Variants in KIF16B observed in about 807,000 individuals in gnomAD.
KIF16B encodes kinesin family member 16B.
In KIF16B, 98 loss-of-function variants were observed where a neutral mutation model predicts 156.3. That is an observed-to-expected ratio of 0.63 (90% CI 0.53 to 0.74). KIF16B has a LOEUF of 0.74. KIF16B is among the 30% of genes least tolerant of loss of function. KIF16B has a pLI of 0.00. For synonymous variants in KIF16B, 564 were observed against 583.7 expected, an observed-to-expected ratio of 0.97 and a Z score of 0.49; for missense variants, 1,421 against 1,606.5, an observed-to-expected ratio of 0.88 and a Z score of 1.97.
intron 12 of KIF16B, among the ~76,000 whole-genome samples, chr20:16,459,740 C>T (rs2067297166): frequency 6.6e-6 from 1 of 152,214 alleles, no homozygotes. Flanking sequence ...TGGATTTTTG[C>T]TAATCTCCTG....
intron 24 of KIF16B, among the ~76,000 whole-genome samples, chr20:16,330,928 G>A (rs577663011): frequency 2.1e-4 from 32 of 152,344 alleles, no homozygotes; most frequent in Admixed American, 9.1e-4. Context: ...AACTCTGTAC[G>A]TTAGCTATCA....
intron 23 of KIF16B, among the ~76,000 whole-genome samples, chr20:16,337,046 C>T (rs528728679): frequency 2.5e-4 from 38 of 152,242 alleles, no homozygotes; most frequent in African/African-American, 8.2e-4. Flanking sequence ...CTCCTTAAGG[C>T]GAGCTTCATG....
rs1297988669 is a variant in KIF16B, at chr20:16,428,839, T to G, written c.1474+114A>C. The G allele has an allele frequency of 3.4e-6, 3 of 878,852 alleles. No homozygotes were observed. In the African/African-American group the frequency reaches 5.1e-5, roughly 15 times the overall value. The allele number at this position is 878,852 out of a possible 1,614,324, so 54.4% of individuals were successfully genotyped here. Reference sequence around the variant, plus strand: ...CGTACATACTGACCAACACTGTACTTGAAAAATAATTTAATTTTCTATAAT... The same window carrying G: ...CGTACATACTGACCAACACTGTACTGGAAAAATAATTTAATTTTCTATAAT... On this transcript the variant is annotated intron_variant, in intron 14 of 25. Transcript: ENST00000354981.
Position 16,370,648 on chromosome 20 carries a change from A to T in KIF16B, c.3448-12T>A. The T allele has an allele frequency of 6.3e-7, 1 of 1,580,266 alleles. No individual in the cohort carries two copies. The highest frequency in any genetic ancestry group is 8.5e-7 in the Non-Finnish European group (1 of 1,169,678). On this transcript the variant is annotated splice_polypyrimidine_tract_variant and intron_variant, in intron 21 of 25. Coordinates refer to ENST00000354981, the MANE Select transcript of KIF16B (RefSeq NM_024704.5). ...AGTTTCTCATTATCCTGAAAAGAAA[A>T]GAAAAAGCCCTCTATATTAAATTAT...
chr20:16,350,398 G>C (rs1456726197), intron 23 of KIF16B, among the ~76,000 whole-genome samples: 1 of 152,136 alleles, frequency 6.6e-6, no homozygotes, highest in Non-Finnish European at 1.5e-5. Flanking sequence ...ATGTCCAGAG[G>C]GTGGGCAGGG....
intron 12 of KIF16B, among the ~76,000 whole-genome samples, chr20:16,487,251 CA>C (rs61387852): frequency 2.7e-4 from 38 of 142,720 alleles, no homozygotes; most frequent in East Asian, 1.2e-3. Flanking sequence ...GACTCCATCT[CA>C]AAAAAAAAAA....
intron 12 of KIF16B, among the ~76,000 whole-genome samples, chr20:16,430,424 G>A (rs1389458909): frequency 6.6e-6 from 1 of 152,022 alleles, no homozygotes; most frequent in Admixed American, 6.6e-5. Flanking sequence ...GAGGAACCTG[G>A]TCCTCTGCCT....
At chr20:16,550,974 G>C (rs1445545425) in intron 1 of KIF16B, among the ~76,000 whole-genome samples, 7 of 152,088 alleles carry the variant, frequency 4.6e-5, no homozygotes, top group African/African-American at 1.4e-4. Flanking sequence ...TCAAAACACA[G>C]GAATGAAAAT....
intron 25 of KIF16B, among the ~76,000 whole-genome samples, chr20:16,277,459 T>TTATA (rs60624017): frequency 0.16 from 23,201 of 143,752 alleles, 1,987 homozygotes; most frequent in Non-Finnish European, 0.2. Context: ...TATGTACATA[T>TTATA]TATATATATA....
intron 25 of KIF16B, among the ~76,000 whole-genome samples, chr20:16,300,447 C>T (rs2063455604): frequency 6.6e-6 from 1 of 152,142 alleles, no homozygotes; most frequent in Admixed American, 6.5e-5. Flanking sequence ...CAAATCTACC[C>T]ATCTGTCCAT....
intron 1 of KIF16B, among the ~76,000 whole-genome samples, chr20:16,540,690 T>C (rs2070162534): frequency 6.6e-6 from 1 of 152,154 alleles, no homozygotes; most frequent in African/African-American, 2.4e-5. Flanking sequence ...CCAGTACCCC[T>C]TTCTCACAAA....
intron 17 of KIF16B, among the ~76,000 whole-genome samples, chr20:16,391,393 C>T (rs2065361275): frequency 6.6e-6 from 1 of 152,168 alleles, no homozygotes; most frequent in Non-Finnish European, 1.5e-5. Context: ...GTCAACATGC[C>T]AGGCACTATC....
At chr20:16,288,067 T>C (rs1006080209) in intron 25 of KIF16B, among the ~76,000 whole-genome samples, 22 of 152,206 alleles carry the variant, frequency 1.4e-4, no homozygotes, top group Non-Finnish European at 2.6e-4. Flanking sequence ...AAGCTCAATA[T>C]AGATGCCATT....
chr20:16,441,723 A>C (rs2066805699), intron 12 of KIF16B, among the ~76,000 whole-genome samples: 2 of 152,042 alleles, frequency 1.3e-5, no homozygotes, highest in African/African-American at 4.8e-5. Context: ...TGCTGGGTGC[A>C]CTTTGAGAAT....
rs112594704 is a variant in KIF16B, at chr20:16,279,456, T to A, written c.3796-6045A>T. On this transcript the variant is annotated intron_variant, in intron 25 of 25. Coordinates refer to ENST00000354981, the MANE Select transcript of KIF16B (RefSeq NM_024704.5). Reference sequence around the variant, plus strand: ...GGAGCGAATGATTCCATCTGTTTACTGTGGTGACAGTCATTTTCTACTGTT... The same window carrying A: ...GGAGCGAATGATTCCATCTGTTTACAGTGGTGACAGTCATTTTCTACTGTT... Among the ~76,000 whole-genome samples, 61 of 152,342 alleles carry A rather than the reference T, an allele frequency of 4.0e-4. 2 individuals are homozygous for A. Among genetic ancestry groups the A allele is most frequent in the African/African-American group, 1.4e-3 (58 of 41,586 alleles).
At chr20:16,334,861 A>G (rs767856628) in intron 24 of KIF16B, among the ~76,000 whole-genome samples, 5 of 152,012 alleles carry the variant, frequency 3.3e-5, no homozygotes, top group African/African-American at 4.8e-5. Flanking sequence ...AGTCAAATAA[A>G]CCTCTTTTCT....
intron 18 of KIF16B, among the ~76,000 whole-genome samples, chr20:16,380,714 G>T (rs566602722): frequency 4.6e-5 from 7 of 152,340 alleles, no homozygotes; most frequent in Non-Finnish European, 5.9e-5. Context: ...CAAAATGTTA[G>T]TTTATTAGTG....
At chr20:16,392,443 G>A (rs969006101) in intron 17 of KIF16B, among the ~76,000 whole-genome samples, 1 of 152,196 alleles carries the variant, frequency 6.6e-6, no homozygotes, top group South Asian at 2.1e-4. Flanking sequence ...GTGCACATTT[G>A]TGGGTAGAGG....
At chr20:16,329,395 T>C (rs559861081) in intron 24 of KIF16B, among the ~76,000 whole-genome samples, 1 of 152,336 alleles carries the variant, frequency 6.6e-6, no homozygotes, top group East Asian at 1.9e-4. Flanking sequence ...TCTGAGAATG[T>C]AACTTGATTG....
Sources: allele counts gnomAD v4.1 joint callset (sites outside exome capture counted in the v4.1 genomes callset), GRCh38; gene constraint gnomAD v4.1.1; transcripts MANE v1.5; gene names NCBI Gene and HGNC (gene_info 2026-07-23, HGNC 2026-07-21).